Variants in MACROD2 observed in about 807,000 individuals in gnomAD.
MACROD2 encodes the protein mono-ADP ribosylhydrolase 2, also known as ADP-ribose glycohydrolase MACROD2.
In MACROD2, 36 loss-of-function variants were observed where a neutral mutation model predicts 70.4. The observed-to-expected ratio is 0.51, with a 90% CI of 0.39 to 0.68. The LOEUF (loss-of-function observed/expected upper bound fraction) is 0.68. Ranked by LOEUF, MACROD2 falls within the 30% of genes least tolerant of loss-of-function variation. The pLI, the probability that MACROD2 is intolerant of heterozygous loss-of-function variation, is 0.00. For missense variants in MACROD2, 496 were observed against 538.4 expected, an observed-to-expected ratio of 0.92 and a Z score of 0.78; for synonymous variants, 172 against 178.8, an observed-to-expected ratio of 0.96 and a Z score of 0.30.
intron 9 of MACROD2, among the ~76,000 whole-genome samples, chr20:15,867,366 A>G (rs1164543212): frequency 6.6e-6 from 1 of 151,992 alleles, no homozygotes; most frequent in African/African-American, 2.4e-5. Flanking sequence ...CCAGCATCGA[A>G]TTTTTTTTCA....
intron 8 of MACROD2, among the ~76,000 whole-genome samples, chr20:15,500,330 C>T (rs1240231945): frequency 6.6e-6 from 1 of 152,118 alleles, no homozygotes; most frequent in African/African-American, 2.4e-5. Flanking sequence ...ATCACAAAAT[C>T]GTTATGAGCG....
chr20:14,393,389 G>A (rs1051732452), intron 3 of MACROD2, among the ~76,000 whole-genome samples: 4 of 152,046 alleles, frequency 2.6e-5, no homozygotes, highest in Non-Finnish European at 4.4e-5. Flanking sequence ...TTCTTTCACT[G>A]TCTACCCTTT....
intron 4 of MACROD2, among the ~76,000 whole-genome samples, chr20:14,579,860 T>A (rs139620555): frequency 1.3e-5 from 2 of 152,298 alleles, no homozygotes; most frequent in East Asian, 3.9e-4. Flanking sequence ...GAATGTGATA[T>A]CTCAGGATGC....
intron 4 of MACROD2, among the ~76,000 whole-genome samples, chr20:14,655,027 GT>G (rs550870919): frequency 1.7e-4 from 25 of 148,076 alleles, no homozygotes; most frequent in Admixed American, 7.4e-4. Flanking sequence ...ACACAGGGTT[GT>G]TTTTTTTTTA....
At chr20:15,716,146 G>A (rs1185351321) in intron 8 of MACROD2, among the ~76,000 whole-genome samples, 2 of 152,136 alleles carry the variant, frequency 1.3e-5, no homozygotes, top group East Asian at 1.9e-4. Context: ...CTGAAGTAGT[G>A]ACTACCATTA....
intron 8 of MACROD2, among the ~76,000 whole-genome samples, chr20:15,714,720 T>C (rs1568989540): frequency 6.6e-6 from 1 of 152,188 alleles, no homozygotes; most frequent in Admixed American, 6.5e-5. Flanking sequence ...AAATTTTTAC[T>C]AATAAATATG....
At chr20:15,526,392 A>G (rs757007839) in intron 8 of MACROD2, among the ~76,000 whole-genome samples, 1 of 152,334 alleles carries the variant, frequency 6.6e-6, no homozygotes, top group African/African-American at 2.4e-5. Context: ...TTGAAGAAAG[A>G]TGAGAATATT....
chr20:15,423,592 ACT>A (rs1450074037), intron 6 of MACROD2, among the ~76,000 whole-genome samples: 1 of 151,384 alleles, frequency 6.6e-6, no homozygotes, highest in African/African-American at 2.4e-5. Flanking sequence ...TGGTGTGTAG[ACT>A]GCTGTCTTCT....
intron 3 of MACROD2, among the ~76,000 whole-genome samples, chr20:14,235,324 AT>A (rs2081858948): frequency 6.6e-6 from 1 of 152,172 alleles, no homozygotes; most frequent in African/African-American, 2.4e-5. Flanking sequence ...GCATAATGAC[AT>A]CTATTTTTCA....
intron 4 of MACROD2, among the ~76,000 whole-genome samples, chr20:14,559,152 G>C (rs770640074): frequency 6.6e-5 from 10 of 151,648 alleles, no homozygotes; most frequent in Non-Finnish European, 1.2e-4. Flanking sequence ...ATTTATATTT[G>C]GTAGCAATAA....
chr20:15,468,251 C>G (rs564438699), intron 7 of MACROD2, among the ~76,000 whole-genome samples: 1 of 151,712 alleles, frequency 6.6e-6, no homozygotes, highest in African/African-American at 2.4e-5. Flanking sequence ...TGAGGAAGTA[C>G]TGAACATGTC....
chr20:15,321,595 A>T (rs2077873941), intron 6 of MACROD2, among the ~76,000 whole-genome samples: 1 of 144,618 alleles, frequency 6.9e-6, no homozygotes, highest in African/African-American at 2.5e-5. Context: ...ATTAATCTCC[A>T]AGGAATGTTA....
intron 7 of MACROD2, among the ~76,000 whole-genome samples, chr20:15,463,286 G>C (rs1012474720): frequency 2.6e-5 from 4 of 152,282 alleles, no homozygotes; most frequent in Middle Eastern, 3.4e-3. Context: ...AAAGAGTACT[G>C]TCATTAATTA....
chr20:14,602,609 T>G (rs1293956520), intron 4 of MACROD2, among the ~76,000 whole-genome samples: 1 of 152,196 alleles, frequency 6.6e-6, no homozygotes, highest in Non-Finnish European at 1.5e-5. Flanking sequence ...CATAGGCTAA[T>G]TCGTGTTTGT....
chr20:14,557,653 G>T (rs1364943052), intron 4 of MACROD2, among the ~76,000 whole-genome samples: 1 of 151,830 alleles, frequency 6.6e-6, no homozygotes, highest in Non-Finnish European at 1.5e-5. Flanking sequence ...TCAGGGAAAT[G>T]TAAATCAAAA....
At chr20:14,446,531 C>T (rs1311860100) in intron 3 of MACROD2, among the ~76,000 whole-genome samples, 2 of 151,952 alleles carry the variant, frequency 1.3e-5, no homozygotes, top group Non-Finnish European at 2.9e-5. Context: ...ACTTTGGGAC[C>T]CCATTTCAAC....
At chr20:15,056,977 T>A (rs1464381960) in intron 5 of MACROD2, among the ~76,000 whole-genome samples, 2 of 152,178 alleles carry the variant, frequency 1.3e-5, no homozygotes, top group Non-Finnish European at 2.9e-5. Flanking sequence ...CAAAGAGTTA[T>A]GTGGTTACCT....
intron 7 of MACROD2, among the ~76,000 whole-genome samples, chr20:15,469,611 G>A (rs2046938757): frequency 1.3e-5 from 2 of 152,170 alleles, no homozygotes; most frequent in African/African-American, 2.4e-5. Context: ...GAGACCGACT[G>A]AGCAAGAATC....
Position 16,045,060 on chromosome 20 carries a change from T to G in MACROD2, c.1300+421T>G, listed in dbSNP as rs915193831. Among the ~76,000 whole-genome samples the G allele has an allele frequency of 3.9e-5, 6 of 152,140 alleles. No individual in the cohort carries two copies. The East Asian group carries it at 5.8e-4, about 15-fold the overall frequency. ...CTCAATCTTTGCCCTGGAGTTTGTA[T>G]AAAGGAATATGAGTGTGTTTGGACA... On this transcript the variant is annotated intron_variant, in intron 17 of 17. Transcript: ENST00000684519.
Sources: allele counts gnomAD v4.1 joint callset (sites outside exome capture counted in the v4.1 genomes callset), GRCh38; gene constraint gnomAD v4.1.1; transcripts MANE v1.5; gene names NCBI Gene and HGNC (gene_info 2026-07-23, HGNC 2026-07-21).